The following NEDD4L variants were observed in gnomAD, a reference collection of about 807,000 sequenced individuals.
NEDD4L encodes the protein E3 ubiquitin-protein ligase NEDD4-like.
Under a neutral mutation model 148.9 loss-of-function variants are expected in NEDD4L, and 54 were observed. That is an observed-to-expected ratio of 0.36 (90% confidence interval 0.29 to 0.45). NEDD4L has a LOEUF of 0.45. Among genes scored for constraint, NEDD4L ranks in the 20% least tolerant of loss-of-function variants. The pLI, the probability that NEDD4L is intolerant of heterozygous loss-of-function variation, is 1.00. For missense variants in NEDD4L, 856 were observed against 1,233.8 expected, an observed-to-expected ratio of 0.69 and a Z score of 4.59; for synonymous variants, 433 against 440.7, an observed-to-expected ratio of 0.98 and a Z score of 0.22.
intron 5 of NEDD4L, among the ~76,000 whole-genome samples, chr18:58,312,672 T>G (rs569297842): frequency 6.6e-6 from 1 of 152,096 alleles, no homozygotes; most frequent in East Asian, 1.9e-4. Flanking sequence ...TGAAGACATT[T>G]TTTGTTTGTT....
At chr18:58,367,462 G>A (rs1783470136) in intron 21 of NEDD4L, among the ~76,000 whole-genome samples, 1 of 152,300 alleles carries the variant, frequency 6.6e-6, no homozygotes, top group South Asian at 2.1e-4. Flanking sequence ...ATCTCCCCAA[G>A]ATATTTGGCT....
intron 1 of NEDD4L, chr18:58,091,096 T>G (rs78794069): frequency 0.087 from 13,188 of 152,238 alleles, 691 homozygotes; most frequent in Admixed American, 0.15. Context: ...TCTTGTCCAT[T>G]TTACACACAC....
At chr18:58,255,331 G>T in intron 5 of NEDD4L, 6 of 237,004 alleles carry the variant, frequency 2.5e-5, no homozygotes, top group Non-Finnish European at 3.1e-5. Flanking sequence ...AAAAAAAAAA[G>T]AGCGAGTAGG....
chr18:58,162,772 G>A (rs1238046631), intron 1 of NEDD4L, among the ~76,000 whole-genome samples: 2 of 151,914 alleles, frequency 1.3e-5, no homozygotes, highest in South Asian at 2.1e-4. Context: ...TTTTAGAAAT[G>A]GGGTGTTGCA....
chr18:58,112,491 T>A (rs1180463637), intron 1 of NEDD4L, among the ~76,000 whole-genome samples: 2 of 151,826 alleles, frequency 1.3e-5, no homozygotes, highest in South Asian at 4.2e-4. Context: ...TTTTTAAAAT[T>A]TTATTATTAT....
intron 2 of NEDD4L, among the ~76,000 whole-genome samples, chr18:58,243,372 T>C (rs540759010): frequency 2.6e-5 from 4 of 152,314 alleles, no homozygotes; most frequent in South Asian, 4.1e-4. Context: ...AATTGAAAAT[T>C]TAGTTTCTGT....
intron 2 of NEDD4L, among the ~76,000 whole-genome samples, chr18:58,196,434 A>G (rs1300698178): frequency 6.6e-6 from 1 of 152,228 alleles, no homozygotes; most frequent in East Asian, 1.9e-4. Context: ...TTGCTCTTAT[A>G]TGGATAAACG....
intron 2 of NEDD4L, among the ~76,000 whole-genome samples, chr18:58,180,469 G>A (rs1159855009): frequency 6.6e-6 from 1 of 152,160 alleles, no homozygotes; most frequent in Admixed American, 6.5e-5. Flanking sequence ...TCGGCCCAGG[G>A]GCGTTGAGCT....
chr18:58,104,000 T>C (rs2084923055), intron 1 of NEDD4L, among the ~76,000 whole-genome samples: 1 of 152,222 alleles, frequency 6.6e-6, no homozygotes, highest in African/African-American at 2.4e-5. Context: ...TTACGGCTCC[T>C]AGCAGCACTG....
chr18:58,119,608 G>A (rs976859899), intron 1 of NEDD4L, among the ~76,000 whole-genome samples: 2 of 152,202 alleles, frequency 1.3e-5, no homozygotes, highest in South Asian at 2.1e-4. Flanking sequence ...CAAGCTAAGC[G>A]GTGTAGCTTT....
intron 5 of NEDD4L, among the ~76,000 whole-genome samples, chr18:58,254,851 C>T (rs1046864668): frequency 1.3e-5 from 2 of 152,190 alleles, no homozygotes; most frequent in Admixed American, 1.3e-4. Context: ...CTCCACTTAG[C>T]TATTTTGTTA....
In NEDD4L at chr18:58,182,509, C is replaced by CTT. The variant is rs568506761; in HGVS notation, c.122+16669_122+16670dup. Among the ~76,000 whole-genome samples the CTT allele has an allele frequency of 2.4e-3, 267 of 111,364 alleles. 1 individual carries two copies. Among genetic ancestry groups the CTT allele is most frequent in the East Asian group, 4.6e-3 (17 of 3,660 alleles). The allele number at this position is 111,364 out of a possible 152,430, so 73.1% of individuals were successfully genotyped here. On this transcript the variant is annotated intron_variant, in intron 2 of 30. Coordinates refer to ENST00000400345, the MANE Select transcript of NEDD4L (RefSeq NM_001144967.3). ...TCTGTGGTGACCTGAGCATTGATAC[C>CTT]TTTTTTTTTTTTTTTTTTTTTTGAG...
intron 2 of NEDD4L, among the ~76,000 whole-genome samples, chr18:58,212,643 C>T (rs526652): frequency 0.44 from 66,486 of 151,926 alleles, 15,810 homozygotes; most frequent in African/African-American, 0.64. Flanking sequence ...CATGCCTAGC[C>T]AATTTTTTGT....
At chr18:58,150,403 T>G (rs1180552402) in intron 1 of NEDD4L, among the ~76,000 whole-genome samples, 2 of 152,176 alleles carry the variant, frequency 1.3e-5, no homozygotes, top group Admixed American at 6.5e-5. Context: ...CCTGACTAAT[T>G]TTAGTAGTTA....
chr18:58,340,868 G>A (rs1316558588), intron 13 of NEDD4L, 170 bp from the exon 14 acceptor site: 1 of 643,692 alleles, frequency 1.6e-6, no homozygotes, highest in African/African-American at 1.9e-5. Context: ...TAGATTTGAA[G>A]CTGTTGGAAA....
chr18:58,342,763 G>A, intron 15 of NEDD4L, 143 bp from the exon 16 acceptor site: 1 of 595,138 alleles, frequency 1.7e-6, no homozygotes, highest in Admixed American at 3.5e-5. Context: ...TGATTTAAAA[G>A]TAAATGAATG....
At chr18:58,297,921 G>T (rs1411264762) in intron 5 of NEDD4L, among the ~76,000 whole-genome samples, 8 of 152,114 alleles carry the variant, frequency 5.3e-5, no homozygotes, top group Non-Finnish European at 8.8e-5. Flanking sequence ...TATTACAAGT[G>T]CACCTTTCTG....
intron 5 of NEDD4L, among the ~76,000 whole-genome samples, chr18:58,272,968 C>T (rs150296641): frequency 1.7e-3 from 254 of 152,254 alleles, no homozygotes; most frequent in African/African-American, 5.8e-3. Flanking sequence ...CATGGGGAGG[C>T]CTACTTGAAG....
Position 58,256,159 on chromosome 18 carries a change from C to T in NEDD4L, c.297+4105C>T, listed in dbSNP as rs1316048834. The T allele has an allele frequency of 5.7e-6, 7 of 1,219,582 alleles. No homozygotes were observed. The highest frequency in any genetic ancestry group is 6.1e-6 in the Non-Finnish European group (6 of 980,320). 75.5% of individuals were successfully genotyped at this position (1,219,582 alleles called of 1,614,324 possible). Reference sequence around the variant, plus strand: ...AGGTCAACGGCACGTGCGGCCGCCGCGTGCGGTGCTCCGGCCCCGTGGACT... The same window carrying T: ...AGGTCAACGGCACGTGCGGCCGCCGTGTGCGGTGCTCCGGCCCCGTGGACT... On this transcript the variant is annotated intron_variant, in intron 5 of 30. Coordinates refer to ENST00000400345, the MANE Select transcript of NEDD4L (RefSeq NM_001144967.3). This position sits in a 1 kb window ranked among gnomAD's most constrained non-coding sequence, Gnocchi z 5.2.
Sources: allele counts gnomAD v4.1 joint callset (sites outside exome capture counted in the v4.1 genomes callset), GRCh38; gene constraint gnomAD v4.1.1; non-coding constraint Gnocchi (gnomAD v3.1); transcripts MANE v1.5; gene names NCBI Gene and HGNC (gene_info 2026-07-23, HGNC 2026-07-21).